COL2A1: variants seen among roughly 807,000 people sequenced by gnomAD.
COL2A1 encodes the protein collagen type II alpha 1 chain, also known as collagen alpha-1(II) chain.
A neutral mutation model predicts 204.5 loss-of-function variants in COL2A1; 28 were observed. That is an observed-to-expected ratio of 0.14 (90% CI 0.10 to 0.19). The LOEUF (loss-of-function observed/expected upper bound fraction) is 0.19, where lower values mean the gene tolerates loss of function less well. Among genes scored for constraint, COL2A1 ranks in the 10% least tolerant of loss-of-function variants. The pLI, the probability that COL2A1 is intolerant of heterozygous loss-of-function variation, is 1.00. For synonymous variants in COL2A1, 708 were observed against 718.7 expected, an observed-to-expected ratio of 0.99 and a Z score of 0.24; for missense variants, 1,388 against 2,027.5, an observed-to-expected ratio of 0.68 and a Z score of 6.06.
chr12:47,988,219 C>A (rs1458584141), intron 18 of COL2A1, among the ~76,000 whole-genome samples: 1 of 152,132 alleles, frequency 6.6e-6, no homozygotes, highest in Non-Finnish European at 1.5e-5. Context: ...CTGGCTCCGG[C>A]CCCAGTCTGT....
At position 48,004,456 on chromosome 12, in the gene COL2A1, G is replaced by A. The variant is rs1940385045; in HGVS notation, c.-135C>T. ...AGCAGGAGGGGGAAGCGGGAGACCC[G>A]GCAGCCCAGCAGCGCTCTGCGTCTT... On this transcript the variant is annotated 5_prime_UTR_variant, in exon 1 of 54. Coordinates refer to ENST00000380518, the MANE Select transcript of COL2A1 (RefSeq NM_001844.5). 1.7e-6 allele frequency: 1 copy of A among 588,416 alleles called. No individual in the cohort carries two copies. The highest frequency in any genetic ancestry group is 3.0e-6 in the Non-Finnish European group (1 of 330,786). The allele number at this position is 588,416 out of a possible 1,614,324, so 36.4% of individuals were successfully genotyped here.
upstream of COL2A1, chr12:48,005,911 G>A (rs1420785513): frequency 1.3e-5 from 2 of 152,252 alleles, no homozygotes; most frequent in Non-Finnish European, 2.9e-5. Context: ...ATCATGCTTT[G>A]ACACTTGTCC....
chr12:47,996,578 G>A lies in COL2A1; in HGVS notation c.579C>T (p.Gly193=), dbSNP rs374674474. 4.2e-5 allele frequency: 68 copies of A among 1,614,024 alleles called. No individual in the cohort carries two copies. Among genetic ancestry groups the A allele is most frequent in the South Asian group, 8.8e-5 (8 of 91,094 alleles). Residue 193 remains glycine, a synonymous_variant, in exon 8 of 54, where the codon GGC becomes GGT. Coordinates refer to ENST00000380518, the MANE Select transcript of COL2A1 (RefSeq NM_001844.5). The part of the protein sequence containing the change: ...MAGGFDEKAG[G]AQLGVMQGPM... ...GTCCTTGCATTACTCCCAACTGGGC[G>A]CCACCAGCCTTTTCATCAAATCCTC...
chr12:47,999,951 G>A lies in COL2A1; in HGVS notation c.260C>T (p.Pro87Leu). Residue 87 changes from proline (P) to leucine (L), a missense_variant, in exon 2 of 54, where the codon CCC (proline) becomes CTC (leucine). By Grantham distance (98) the Pro-to-Leu change is moderately conservative (BLOSUM62 -3). Around this residue, in one of 3 missense-constraint regions of COL2A1, gnomAD observed 201 missense variants for 242.4 expected, o/e 0.83. Transcript: ENST00000380518. Reference sequence around the variant, plus strand: ...AGTGGCGAGGTCAGTTGGGCAGATGGGGCAGCACTCTCCGAAGGGGATCTC... The same window carrying A: ...AGTGGCGAGGTCAGTTGGGCAGATGAGGCAGCACTCTCCGAAGGGGATCTC... ...SPEIPFGECC[P>L]ICPTDLATAS... The A allele has an allele frequency of 4.3e-6, 7 of 1,614,146 alleles. No individual in the cohort carries two copies. Among genetic ancestry groups the A allele is most frequent in the African/African-American group, 2.7e-5 (2 of 75,032 alleles).
intron 4 of COL2A1, 43 bp downstream of exon 4, chr12:47,998,126 A>G: frequency 6.2e-7 from 1 of 1,614,224 alleles, no homozygotes. Flanking sequence ...TGACCCATTT[A>G]GAGCAGCAGC....
Position 47,977,896 on chromosome 12 carries a change from C to T in COL2A1, c.3111+114G>A, listed in dbSNP as rs57550917. 5.8e-3 allele frequency: 6,363 copies of T among 1,087,810 alleles called. 290 individuals carry two copies. In the African/African-American group the frequency reaches 0.085, roughly 15 times the overall value. 67.4% of individuals were successfully genotyped at this position (1,087,810 alleles called of 1,614,324 possible). ...AGGCTTTCAGGCCTGTCGGCCGACA[C>T]TGCCACCCCCTTCTCCAGGGCCCTG... On this transcript the variant is annotated intron_variant, in intron 44 of 53. Transcript: ENST00000380518.
At chr12:47,977,904 C>A in intron 44 of COL2A1, 106 bp downstream of exon 44, 1 of 1,133,816 alleles carries the variant, frequency 8.8e-7, no homozygotes, top group Non-Finnish European at 1.3e-6. Flanking sequence ...CACTGCCACC[C>A]CCTTCTCCAG....
rs779950053 is a variant in COL2A1, at chr12:47,998,060, A to G, written c.347T>C (p.Val116Ala). 6.2e-6 allele frequency: 10 copies of G among 1,614,204 alleles called. No individual in the cohort carries two copies. Among genetic ancestry groups the G allele is most frequent in the Admixed American group, 1.7e-5 (1 of 60,026 alleles). ...KGEPGDIKDI[V>A]GPKGPPGPQG... is the part of the protein sequence containing the mutation. ...AGGCCCAGGAGGTCCTTTGGGTCCT[A>G]CAATCTGTGAGAGAGAGCCCCACAG... The change falls in exon 5 of 54, where the codon GTA (valine) becomes GCA (alanine). Residue 116 changes from valine (V) to alanine (A), a missense_variant. Coordinates refer to ENST00000380518, the MANE Select transcript of COL2A1 (RefSeq NM_001844.5).
At position 47,973,093 on chromosome 12, in the gene COL2A1, T is replaced by G; in HGVS notation, c.*314A>C. The G allele has an allele frequency of 3.4e-6, 2 of 593,160 alleles. No homozygotes were observed. Among genetic ancestry groups the G allele is most frequent in the South Asian group, 2.1e-5 (1 of 47,360 alleles). 36.7% of individuals were successfully genotyped at this position (593,160 alleles called of 1,614,324 possible). The stretch of plus-strand genomic sequence containing the variant: ...CCTGCGCCCGGCACCTGAAGGGAGG[T>G]CTTCTGGCCTGGGCTGGGGGCAGTC... On this transcript the variant is annotated 3_prime_UTR_variant, in exon 54 of 54. Transcript: ENST00000380518.
Position 47,972,978 on chromosome 12 carries a change from A to AATC in COL2A1, c.*426_*428dup, listed in dbSNP as rs1938509371. The AATC allele has an allele frequency of 4.0e-6, 2 of 499,728 alleles. No individual in the cohort carries two copies. The highest frequency in any genetic ancestry group is 7.0e-6 in the Non-Finnish European group (2 of 286,450). 31.0% of individuals were successfully genotyped at this position (499,728 alleles called of 1,614,324 possible). On this transcript the variant is annotated 3_prime_UTR_variant, in exon 54 of 54. Coordinates refer to ENST00000380518, the MANE Select transcript of COL2A1 (RefSeq NM_001844.5). Reference sequence around the variant, plus strand: ...CACAAGTCAATATGTACTTTCCAATAATCTTTTCATTTTTAATATCAATTG... The same window carrying AATC: ...CACAAGTCAATATGTACTTTCCAATAATCATCTTTTCATTTTTAATATCAATTG...
In COL2A1 at chr12:47,984,977, G is replaced by C. The variant is rs374668610; in HGVS notation, c.1833+18C>G. 2.0e-5 allele frequency: 32 copies of C among 1,606,024 alleles called. No homozygotes were observed. In the African/African-American group the frequency reaches 4.1e-4, roughly 21 times the overall value. On this transcript the variant is annotated intron_variant, in intron 27 of 53. Coordinates refer to ENST00000380518, the MANE Select transcript of COL2A1 (RefSeq NM_001844.5). The stretch of plus-strand genomic sequence containing the variant: ...TAGCACCACATGGAAGGAAATAGAA[G>C]AGCAAATTATTACTTACGTTGGCAC...
chr12:47,979,155 T>C (rs970124260), intron 41 of COL2A1, among the ~76,000 whole-genome samples: 6 of 151,972 alleles, frequency 3.9e-5, no homozygotes, highest in Admixed American at 3.9e-4. Flanking sequence ...TCACCACTGC[T>C]CCCTCCATGC....
chr12:47,984,524 G>A, intron 28 of COL2A1, 22 bp downstream of exon 28: 1 of 1,613,810 alleles, frequency 6.2e-7, no homozygotes, highest in East Asian at 2.2e-5. Flanking sequence ...CCAAGTCATG[G>A]GCAGCGGGGA....
At position 47,978,016 on chromosome 12, in the gene COL2A1, T is replaced by C; in HGVS notation, c.3105A>G (p.Gly1035=). The change falls in exon 44 of 54, where the codon GGA becomes GGG. Residue 1035 remains glycine (G), a synonymous_variant. Coordinates refer to ENST00000380518, the MANE Select transcript of COL2A1 (RefSeq NM_001844.5). The surrounding 1 kb of genome is among the most constrained non-coding windows in gnomAD (Gnocchi z 5.5). ...PGLTGPAGEP[G]REGSPGADGP... ...AGGGGGTCTCACTGCTCACCTCTCG[T>C]CCAGGTTCACCTGCAGGACCCGTCA... The C allele has an allele frequency of 6.2e-7, 1 of 1,613,352 alleles. No individual in the cohort carries two copies. Among genetic ancestry groups the C allele is most frequent in the Non-Finnish European group, 8.5e-7 (1 of 1,179,852 alleles).
In COL2A1 at chr12:48,000,058, G is replaced by A; in HGVS notation, c.153C>T (p.Pro51=). 2 of 1,613,988 alleles carry A rather than the reference G, an allele frequency of 1.2e-6. No individual in the cohort carries two copies. The highest frequency in any genetic ancestry group is 1.7e-6 in the Non-Finnish European group (2 of 1,180,006). ...YNDKDVWKPE[P]CRICVCDTGT... is the part of the protein sequence containing the mutation. ...CAGTGTCACAGACACAGATCCGGCA[G>A]GGCTCCGGCTTCCACACATCCTTAT... Residue 51 remains proline, a synonymous_variant, in exon 2 of 54, where the codon CCC becomes CCT. Coordinates refer to ENST00000380518, the MANE Select transcript of COL2A1 (RefSeq NM_001844.5).
Position 47,977,143 on chromosome 12 carries a change from G to A in COL2A1, c.3286C>T (p.Pro1096Ser), listed in dbSNP as rs761070916. ...GDRGEAGAQG[P>S]MGPSGPAGAR... ...CCAGCTGGTCCTGAGGGTCCCATGG[G>A]GCCTTGTGCACCCTGAGGAGAGAGT... Residue 1096 changes from proline to serine, a missense_variant, in exon 47 of 54, where the codon CCC (proline) becomes TCC (serine). Coordinates refer to ENST00000380518, the MANE Select transcript of COL2A1 (RefSeq NM_001844.5). 2 of 1,610,816 alleles carry A rather than the reference G, an allele frequency of 1.2e-6. No homozygotes were observed. Among genetic ancestry groups the A allele is most frequent in the Non-Finnish European group, 1.7e-6 (2 of 1,178,952 alleles).
At chr12:47,983,337 G>T in intron 31 of COL2A1, 48 bp downstream of exon 31, 1 of 1,601,072 alleles carries the variant, frequency 6.2e-7, no homozygotes, top group Non-Finnish European at 8.6e-7. Flanking sequence ...CATCAGAAAA[G>T]ACCTTCCCAT....
rs1565685070 is a variant in COL2A1 at position 47,987,910 on chromosome 12, C to T, written c.1123-201G>A. On this transcript the variant is annotated intron_variant, in intron 18 of 53. Transcript: ENST00000380518. This position sits in a 1 kb window ranked among gnomAD's most constrained non-coding sequence, Gnocchi z 4.1. ...CCTGACCGAGCTGATGACTTGATGA[C>T]TTCCCACGCCTGCCTCCTCTACTGC... 6.6e-6 allele frequency among the ~76,000 whole-genome samples: 1 copy of T among 152,180 alleles called. No individual in the cohort carries two copies. The highest frequency in any genetic ancestry group is 1.5e-5 in the Non-Finnish European group (1 of 68,038).
At chr12:47,983,592 T>C (rs1404114441) in intron 30 of COL2A1, 91 bp downstream of exon 30, 50 of 1,467,032 alleles carry the variant, frequency 3.4e-5, no homozygotes, top group Non-Finnish European at 4.5e-5. Flanking sequence ...CTGCAAGAGG[T>C]GTGGGCCCTC....
Sources: gnomAD v4.1 joint callset for allele counts (sites outside exome capture counted in the v4.1 genomes callset) on GRCh38, gnomAD v4.1.1 for gene constraint, gnomAD v4.1.1 regional missense constraint, Gnocchi (gnomAD v3.1) non-coding constraint, MANE v1.5 for transcripts, NCBI Gene and HGNC (gene_info 2026-07-23, HGNC 2026-07-21) for gene names.